ZNF276: variants seen among roughly 807,000 people sequenced by gnomAD.
ZNF276 encodes the protein centromere protein Z.
ZNF276 carries 59 observed loss-of-function variants against 63.9 expected under a neutral mutation model. The observed-to-expected ratio is 0.92, with a 90% CI of 0.75 to 1.15. ZNF276 has a LOEUF of 1.15. Ranked by LOEUF, ZNF276 falls within the 50% of genes most tolerant of loss-of-function variation. The probability of loss-of-function intolerance (pLI) is 0.00; values close to 1 mark genes in which losing one functional copy is unlikely to be tolerated. For missense variants in ZNF276, 1,084 were observed against 843.8 expected, an observed-to-expected ratio of 1.28 and a Z score of -3.53; for synonymous variants, 496 against 348.4, an observed-to-expected ratio of 1.42 and a Z score of -4.72.
upstream of ZNF276, chr16:89,720,728 C>T (rs770214751): frequency 7.8e-6 from 11 of 1,418,160 alleles, no homozygotes; most frequent in Non-Finnish European, 9.2e-6. Flanking sequence ...AGGGGCCACC[C>T]TCAGCGGCCA....
In ZNF276 at chr16:89,739,001, G is replaced by C. The variant is rs1196057280; in HGVS notation, c.*755G>C. 2 of 1,614,010 alleles carry C rather than the reference G, an allele frequency of 1.2e-6. No individual in the cohort carries two copies. Among genetic ancestry groups the C allele is most frequent in the East Asian group, 4.5e-5 (2 of 44,880 alleles). On this transcript the variant is annotated 3_prime_UTR_variant, in exon 11 of 11. Transcript: ENST00000443381. ...TAGAGAGAAAACAGGCAAACTCACAGGTTAGAAGACATACAGAAACAGGGC... is the reference window on the plus strand; with the variant it reads ...TAGAGAGAAAACAGGCAAACTCACACGTTAGAAGACATACAGAAACAGGGC...
upstream of ZNF276, chr16:89,720,437 A>T: frequency 9.5e-7 from 1 of 1,049,046 alleles, no homozygotes. Context: ...GCACGAACGC[A>T]CGGACCTGCC....
At position 89,729,366 on chromosome 16, in the gene ZNF276, A is replaced by G. The variant is rs769095411; in HGVS notation, c.1169+48A>G. ...GCTGGAGGCATCCGTTGGGCGACCT[A>G]GACACCCGCCTGTGCTCCAGGGCCT... On this transcript the variant is annotated intron_variant, in intron 6 of 10. Transcript: ENST00000443381. The G allele has an allele frequency of 5.2e-6, 8 of 1,541,910 alleles. No individual in the cohort carries two copies. In the Admixed American group the frequency reaches 1.3e-4, roughly 26 times the overall value.
Position 89,740,828 on chromosome 16 carries a change from C to G in ZNF276, c.*2582C>G, listed in dbSNP as rs1449170388. On this transcript the variant is annotated 3_prime_UTR_variant, in exon 11 of 11. Coordinates refer to ENST00000443381, the MANE Select transcript of ZNF276 (RefSeq NM_001113525.2). ...CATTTGAGGTCAGATGTGACGACAG[C>G]AGGCCCATCAAGGAGAAGAAGAAAA... is the stretch of plus-strand genomic sequence containing the variant. 6.2e-7 allele frequency: 1 copy of G among 1,613,576 alleles called. No homozygotes were observed. Among genetic ancestry groups the G allele is most frequent in the Non-Finnish European group, 8.5e-7 (1 of 1,179,754 alleles).
At chr16:89,735,068 G>A (rs978391981) in intron 9 of ZNF276, among the ~76,000 whole-genome samples, 2 of 151,310 alleles carry the variant, frequency 1.3e-5, no homozygotes, top group Non-Finnish European at 3.0e-5. Flanking sequence ...CGGAGGTGGA[G>A]GTTGCAGTGA....
At position 89,740,714 on chromosome 16, in the gene ZNF276, C is replaced by A; in HGVS notation, c.*2468C>A. 2.8e-6 allele frequency: 3 copies of A among 1,080,684 alleles called. No homozygotes were observed. Among genetic ancestry groups the A allele is most frequent in the South Asian group, 1.3e-5 (1 of 76,970 alleles). 66.9% of individuals were successfully genotyped at this position (1,080,684 alleles called of 1,614,324 possible). A position where few individuals can be genotyped will look rare whatever the true frequency, so the allele number is the denominator to read the frequency against. On this transcript the variant is annotated 3_prime_UTR_variant, in exon 11 of 11. Transcript: ENST00000443381. ...AAACACAAGGAGCTCCTGAGCTAGT[C>A]TGGAAACCCTGACTTGGAAGCTGGC...
At chr16:89,733,154 G>A in intron 6 of ZNF276, 148 bp from the exon 7 acceptor site, 2 of 740,474 alleles carry the variant, frequency 2.7e-6, no homozygotes, top group South Asian at 1.8e-5. Flanking sequence ...CTCTGGCTTT[G>A]GTGGCTTCAG....
intron 4 of ZNF276, among the ~76,000 whole-genome samples, chr16:89,726,049 T>G (rs2061460401): frequency 6.6e-6 from 1 of 152,232 alleles, no homozygotes; most frequent in African/African-American, 2.4e-5. Context: ...GGAGTCTCAC[T>G]CTGTCGCCCA....
intron 8 of ZNF276, 33 bp downstream of exon 8, chr16:89,733,590 C>A (rs1357580561): frequency 3.1e-6 from 5 of 1,610,838 alleles, no homozygotes; most frequent in Non-Finnish European, 4.2e-6. Context: ...CCAGGCCCGG[C>A]AGCTGTCAGT....
chr16:89,729,388 G>A (rs549274794), intron 6 of ZNF276, 70 bp downstream of exon 6: 1 of 1,384,966 alleles, frequency 7.2e-7, no homozygotes, highest in South Asian at 1.2e-5. Flanking sequence ...GTGCTCCAGG[G>A]CCTCTCCCCG....
chr16:89,736,335 T>C (rs929756194), intron 9 of ZNF276, among the ~76,000 whole-genome samples: 1 of 149,314 alleles, frequency 6.7e-6, no homozygotes, highest in Admixed American at 6.7e-5. Flanking sequence ...CCCCCAATTT[T>C]TTTTTTTTTT....
chr16:89,720,935 C>T, upstream of ZNF276: 8 of 1,228,380 alleles, frequency 6.5e-6, no homozygotes, highest in Non-Finnish European at 8.2e-6. Context: ...ACGCAGCCGG[C>T]GCTGGTGCTG....
Position 89,722,695 on chromosome 16 carries a change from G to T in ZNF276, c.370G>T (p.Ala124Ser). The T allele has an allele frequency of 6.2e-7, 1 of 1,612,282 alleles. No homozygotes were observed. Residue 124 changes from alanine to serine, a missense_variant, in exon 2 of 11, where the codon GCT (alanine) becomes TCT (serine). Transcript: ENST00000443381. ...GGACTTCCAGCGCCTGCTTGGTGTGGCTGTCCGCCAGGACCCCACCTTGTC... is the reference window on the plus strand; with the variant it reads ...GGACTTCCAGCGCCTGCTTGGTGTGTCTGTCCGCCAGGACCCCACCTTGTC... ...VRDFQRLLGV[A>S]VRQDPTLSPF...
At chr16:89,736,657 T>G (rs1380860729) in intron 9 of ZNF276, among the ~76,000 whole-genome samples, 1 of 151,702 alleles carries the variant, frequency 6.6e-6, no homozygotes, top group African/African-American at 2.4e-5. Flanking sequence ...TACCTGGGTG[T>G]GGTGGTGCAC....
At chr16:89,735,188 T>TA (rs1012995113) in intron 9 of ZNF276, among the ~76,000 whole-genome samples, 26 of 151,770 alleles carry the variant, frequency 1.7e-4, no homozygotes, top group African/African-American at 5.8e-4. Flanking sequence ...GGGACTCGAA[T>TA]CCCTGGTATT....
At chr16:89,720,931 C>T (rs2061248580), upstream of ZNF276, 13 of 1,242,070 alleles carry the variant, frequency 1.0e-5, no homozygotes, top group Non-Finnish European at 1.3e-5. Context: ...CGGAACGCAG[C>T]CGGCGCTGGT....
intron 6 of ZNF276, chr16:89,732,773 CACCCTGACCCT>C (rs2061703418): frequency 4.9e-6 from 1 of 203,186 alleles, no homozygotes. Context: ...CTGCTGTGTT[CACCCTGACCCT>C]GCTGTACCCT....
intron 6 of ZNF276, among the ~76,000 whole-genome samples, chr16:89,730,067 C>A (rs1385308639): frequency 6.6e-6 from 1 of 152,198 alleles, no homozygotes; most frequent in Non-Finnish European, 1.5e-5. Context: ...CACTAGAACC[C>A]TGCTGTGCAG....
intron 1 of ZNF276, 45 bp from the exon 2 acceptor site, chr16:89,722,486 G>C (rs963101069): frequency 6.4e-7 from 1 of 1,565,016 alleles, no homozygotes; most frequent in Non-Finnish European, 8.7e-7. Flanking sequence ...CTGTGCTCAG[G>C]AGCCTCCTTT....
Sources: allele counts gnomAD v4.1 joint callset (sites outside exome capture counted in the v4.1 genomes callset), GRCh38; gene constraint gnomAD v4.1.1; transcripts MANE v1.5; gene names NCBI Gene and HGNC (gene_info 2026-07-23, HGNC 2026-07-21).